The following ATE1 variants were observed in gnomAD, a reference collection of about 807,000 sequenced individuals.
The protein encoded by ATE1 is arginyltransferase 1.
In ATE1, 36 loss-of-function variants were observed where a neutral mutation model predicts 70.5. The observed-to-expected ratio is 0.51, with a 90% CI of 0.39 to 0.67. ATE1 has a LOEUF of 0.67. ATE1 is among the 30% of genes least tolerant of loss of function. ATE1 has a pLI of 0.00. For synonymous variants in ATE1, 232 were observed against 219.3 expected, an observed-to-expected ratio of 1.06 and a Z score of -0.51; for missense variants, 593 against 629.5, an observed-to-expected ratio of 0.94 and a Z score of 0.62.
intron 7 of ATE1, among the ~76,000 whole-genome samples, chr10:121,898,253 A>G (rs1285061199): frequency 6.6e-6 from 1 of 152,170 alleles, no homozygotes; most frequent in Non-Finnish European, 1.5e-5. Context: ...TCAACTTTAC[A>G]ATGATGGAAA....
chr10:121,789,429 G>A (rs907557976), intron 11 of ATE1, among the ~76,000 whole-genome samples: 1 of 150,700 alleles, frequency 6.6e-6, no homozygotes, highest in African/African-American at 2.4e-5. Flanking sequence ...CTCCTGACTA[G>A]CTGAGATAAC....
At chr10:121,789,955 C>T (rs980672358) in intron 11 of ATE1, among the ~76,000 whole-genome samples, 4 of 133,644 alleles carry the variant, frequency 3.0e-5, no homozygotes, top group Non-Finnish European at 6.6e-5. Flanking sequence ...AGTAAGTGCA[C>T]GAGCACGTGA....
intron 8 of ATE1, among the ~76,000 whole-genome samples, chr10:121,851,740 C>T (rs12360105): frequency 1.2e-3 from 180 of 152,296 alleles, no homozygotes; most frequent in Non-Finnish European, 1.8e-3. Context: ...TGCAGTTTTG[C>T]ATATTTTGGA....
chr10:121,821,345 A>C (rs1947790852), intron 10 of ATE1, among the ~76,000 whole-genome samples: 1 of 152,238 alleles, frequency 6.6e-6, no homozygotes, highest in South Asian at 2.1e-4. Context: ...ACACATTAAA[A>C]TTAGAAATTT....
intron 11 of ATE1, among the ~76,000 whole-genome samples, chr10:121,774,602 C>A (rs530603625): frequency 7.2e-4 from 109 of 152,290 alleles, no homozygotes; most frequent in Non-Finnish European, 1.3e-3. Flanking sequence ...CAGAGCTTTA[C>A]AGAGCACGTT....
intron 7 of ATE1, among the ~76,000 whole-genome samples, chr10:121,879,754 A>G (rs1950170772): frequency 6.6e-6 from 1 of 152,206 alleles, no homozygotes; most frequent in Non-Finnish European, 1.5e-5. Flanking sequence ...AGAAGCAGTC[A>G]CCAGTAAGGA....
At chr10:121,926,717 C>G (rs1381517040) in intron 1 of ATE1, 2 of 985,146 alleles carry the variant, frequency 2.0e-6, no homozygotes, top group Non-Finnish European at 2.4e-6. Flanking sequence ...ATCCACAATA[C>G]TCTAAGGCCA....
chr10:121,831,762 A>G (rs1309375461), intron 10 of ATE1, among the ~76,000 whole-genome samples: 2 of 152,184 alleles, frequency 1.3e-5, no homozygotes, highest in East Asian at 3.8e-4. Flanking sequence ...TGTCAGCTTT[A>G]CTTTATTTAA....
chr10:121,761,592 G>A (rs2132913), intron 11 of ATE1, among the ~76,000 whole-genome samples: 125,301 of 151,528 alleles, frequency 0.83, 52,146 homozygotes, highest in Non-Finnish European at 0.89. Context: ...ATCTAGAGCA[G>A]AACACATAAT....
chr10:121,815,424 C>A (rs564564799), intron 10 of ATE1, among the ~76,000 whole-genome samples: 7 of 152,150 alleles, frequency 4.6e-5, no homozygotes, highest in Non-Finnish European at 1.0e-4. Context: ...CGTGAGCCAC[C>A]GCGCCCGGCC....
chr10:121,899,003 T>A, intron 7 of ATE1: 1 of 1,608,472 alleles, frequency 6.2e-7, no homozygotes, highest in Non-Finnish European at 8.5e-7. Flanking sequence ...CAAATGCTAT[T>A]GAAACATCTC....
chr10:121,911,240 T>C (rs997446119), intron 4 of ATE1, 89 bp from the exon 5 acceptor site: 22 of 1,477,332 alleles, frequency 1.5e-5, no homozygotes, highest in Non-Finnish European at 2.0e-5. Context: ...TATTATCCAT[T>C]GTGGCAGAAT....
intron 10 of ATE1, among the ~76,000 whole-genome samples, chr10:121,829,787 T>C (rs1185314083): frequency 2.6e-5 from 4 of 152,200 alleles, no homozygotes; most frequent in African/African-American, 4.8e-5. Flanking sequence ...TAATACCAGA[T>C]AGAAAACATG....
In ATE1 at chr10:121,764,734, A is replaced by T. The variant is rs182848605; in HGVS notation, c.1379-20876T>A. ...CTGAGTTTATGCTTTGCTGAAGGCG[A>T]CTCTGCTTACCTGTGCAGAGTGAGG... is the stretch of plus-strand genomic sequence containing the variant. On this transcript the variant is annotated intron_variant, in intron 11 of 11. Coordinates refer to ENST00000224652, the MANE Select transcript of ATE1 (RefSeq NM_001001976.3). Among the ~76,000 whole-genome samples, 364 of 152,002 alleles carry T rather than the reference A, an allele frequency of 2.4e-3. 3 individuals are homozygous for T. Among genetic ancestry groups the T allele is most frequent in the African/African-American group, 8.1e-3 (336 of 41,468 alleles).
chr10:121,884,595 A>T (rs1055378756), intron 7 of ATE1, among the ~76,000 whole-genome samples: 6 of 152,136 alleles, frequency 3.9e-5, no homozygotes, highest in African/African-American at 1.4e-4. Flanking sequence ...ATGTCAAACA[A>T]TGAAAAAGAG....
Position 121,743,539 on chromosome 10 carries a change from A to T in ATE1, c.*141T>A, listed in dbSNP as rs1383041252. ...TCTCACAGATACATTGCCACAAAAT[A>T]TTTTTTAAAAGCCATAGATAGTCAA... On this transcript the variant is annotated 3_prime_UTR_variant, in exon 12 of 12. Coordinates refer to ENST00000224652, the MANE Select transcript of ATE1 (RefSeq NM_001001976.3). 7.5e-7 allele frequency: 1 copy of T among 1,334,294 alleles called. No individual in the cohort carries two copies. Among genetic ancestry groups the T allele is most frequent in the African/African-American group, 1.5e-5 (1 of 67,544 alleles). The allele number at this position is 1,334,294 out of a possible 1,614,324, so 82.7% of individuals were successfully genotyped here. A position where few individuals can be genotyped will look rare whatever the true frequency, so the allele number is the denominator to read the frequency against.
intron 8 of ATE1, among the ~76,000 whole-genome samples, chr10:121,863,923 G>A (rs575291165): frequency 4.6e-5 from 7 of 152,210 alleles, no homozygotes; most frequent in South Asian, 2.1e-4. Flanking sequence ...ATAAGTATTC[G>A]TATAGTAGTG....
At chr10:121,797,252 C>T (rs371409469) in intron 10 of ATE1, among the ~76,000 whole-genome samples, 10 of 152,222 alleles carry the variant, frequency 6.6e-5, no homozygotes, top group African/African-American at 1.2e-4. Context: ...TTTTCAAAGG[C>T]GAAAGTTATA....
chr10:121,893,555 A>G (rs72838081), intron 7 of ATE1, among the ~76,000 whole-genome samples: 3,968 of 152,188 alleles, frequency 0.026, 85 homozygotes, highest in Middle Eastern at 0.038. Flanking sequence ...TAATTATTGA[A>G]TTTTTAACAT....
Sources: gnomAD v4.1 joint callset for allele counts (sites outside exome capture counted in the v4.1 genomes callset) on GRCh38, gnomAD v4.1.1 for gene constraint, MANE v1.5 for transcripts, NCBI Gene and HGNC (gene_info 2026-07-23, HGNC 2026-07-21) for gene names.